Variants in PLSCR2 observed in about 807,000 individuals in gnomAD.
PLSCR2 encodes PL scramblase 2.
In PLSCR2, 18 loss-of-function variants were observed where a neutral mutation model predicts 25.3. That is an observed-to-expected ratio of 0.71 (90% CI 0.49 to 1.06). The LOEUF is 1.06. PLSCR2 is among the 50% of genes least tolerant of loss of function. The probability of loss-of-function intolerance (pLI) is 0.00; values close to 1 mark genes in which losing one functional copy is unlikely to be tolerated. For synonymous variants in PLSCR2, 88 were observed against 87.3 expected, an observed-to-expected ratio of 1.01 and a Z score of -0.04; for missense variants, 243 against 269.5, an observed-to-expected ratio of 0.90 and a Z score of 0.69.
At chr3:146,393,090 G>A (rs986487514) in intron 3 of PLSCR2, among the ~76,000 whole-genome samples, 3 of 140,996 alleles carry the variant, frequency 2.1e-5, no homozygotes, top group South Asian at 2.2e-4. Flanking sequence ...GTGTAGTGGC[G>A]TGATCTTGGC....
At chr3:146,459,805 G>T in intron 2 of PLSCR2, 43 bp downstream of exon 2, 2 of 1,300,782 alleles carry the variant, frequency 1.5e-6, no homozygotes, top group Non-Finnish European at 2.2e-6. Flanking sequence ...ACCAGAAAGA[G>T]AGTTTTTTTT....
intron 1 of PLSCR2, among the ~76,000 whole-genome samples, chr3:146,483,377 C>A (rs991991023): frequency 7.1e-6 from 1 of 141,184 alleles, no homozygotes; most frequent in African/African-American, 2.7e-5. Context: ...CACATGTATA[C>A]CTATGTAACA....
intron 1 of PLSCR2, 39 bp from the exon 2 acceptor site, chr3:146,460,122 G>T: frequency 7.0e-7 from 1 of 1,434,848 alleles, no homozygotes; most frequent in Non-Finnish European, 9.3e-7. Flanking sequence ...TAGCTGCCCA[G>T]AAAAGTCATC....
intron 2 of PLSCR2, among the ~76,000 whole-genome samples, chr3:146,404,171 C>T (rs1252198144): frequency 6.6e-6 from 1 of 152,168 alleles, no homozygotes; most frequent in Non-Finnish European, 1.5e-5. Context: ...GTGTGCTCAC[C>T]ATTGCTCCAT....
At chr3:146,486,649 A>C (rs1013029795) in intron 1 of PLSCR2, among the ~76,000 whole-genome samples, 1 of 152,106 alleles carries the variant, frequency 6.6e-6, no homozygotes, top group Non-Finnish European at 1.5e-5. Flanking sequence ...ATAGACCAAT[A>C]ACAATTTCTA....
intron 1 of PLSCR2, among the ~76,000 whole-genome samples, chr3:146,474,595 CTGA>C (rs1327911496): frequency 6.6e-6 from 1 of 152,006 alleles, no homozygotes; most frequent in Non-Finnish European, 1.5e-5. Flanking sequence ...CTGGGAGAAT[CTGA>C]TGATTATATG....
chr3:146,449,340 C>T, exon 6 of PLSCR2: 2 of 1,599,966 alleles, frequency 1.3e-6, no homozygotes, highest in South Asian at 1.1e-5. Flanking sequence ...ATCCTGCCAA[C>T]CACAATTTGT....
At chr3:146,431,661 C>T (rs2039549643), downstream of PLSCR2, among the ~76,000 whole-genome samples, 1 of 152,170 alleles carries the variant, frequency 6.6e-6, no homozygotes, top group African/African-American at 2.4e-5. Flanking sequence ...TACAGATTAT[C>T]TCCAAGGAGC....
downstream of PLSCR2, among the ~76,000 whole-genome samples, chr3:146,429,846 C>T (rs886755063): frequency 3.3e-5 from 5 of 151,954 alleles, no homozygotes; most frequent in Admixed American, 6.6e-5. Context: ...AGGATGGTCT[C>T]GATCTCCTGA....
At chr3:146,458,311 C>G in intron 3 of PLSCR2, 100 bp downstream of exon 3, 3 of 1,015,952 alleles carry the variant, frequency 3.0e-6, no homozygotes, top group Non-Finnish European at 4.2e-6. Flanking sequence ...TTTTACCATC[C>G]CACATCACTC....
At chr3:146,456,934 T>A (rs144607041) in intron 3 of PLSCR2, among the ~76,000 whole-genome samples, 8 of 152,212 alleles carry the variant, frequency 5.3e-5, no homozygotes, top group African/African-American at 1.9e-4. Flanking sequence ...AATATAATGT[T>A]GTATAATGTA....
chr3:146,463,406 C>T (rs1314626072), upstream of PLSCR2, among the ~76,000 whole-genome samples: 1 of 152,180 alleles, frequency 6.6e-6, no homozygotes, highest in Admixed American at 6.5e-5. Flanking sequence ...CTGCCCGCGT[C>T]GGCCTCCCAA....
At chr3:146,404,828 G>C (rs73867601) in intron 2 of PLSCR2, among the ~76,000 whole-genome samples, 1 of 150,322 alleles carries the variant, frequency 6.7e-6, no homozygotes, top group Non-Finnish European at 1.5e-5. Context: ...AAAAGGGGGG[G>C]GGTGGTGGTT....
intron 1 of PLSCR2, among the ~76,000 whole-genome samples, chr3:146,482,417 A>T (rs770922839): frequency 6.6e-6 from 1 of 152,244 alleles, no homozygotes; most frequent in East Asian, 1.9e-4. Flanking sequence ...TGAGCAAAGG[A>T]TATGAACAGA....
At chr3:146,431,586 C>T (rs1381327245), downstream of PLSCR2, among the ~76,000 whole-genome samples, 24 of 152,130 alleles carry the variant, frequency 1.6e-4, no homozygotes, top group Admixed American at 1.4e-3. Flanking sequence ...CCATCTCCCA[C>T]CACTAACTAA....
At chr3:146,469,336 T>C (rs2108486136) in intron 1 of PLSCR2, 159 bp downstream of exon 1, 10 of 982,106 alleles carry the variant, frequency 1.0e-5, no homozygotes, top group East Asian at 2.3e-4. Context: ...TGGGGCCCCT[T>C]GCCGAGTTTC....
At chr3:146,396,857 G>A (rs2038291891) in intron 2 of PLSCR2, among the ~76,000 whole-genome samples, 1 of 152,034 alleles carries the variant, frequency 6.6e-6, no homozygotes, top group African/African-American at 2.4e-5. Flanking sequence ...TCAGAACTCT[G>A]AACCCACCAT....
intron 2 of PLSCR2, among the ~76,000 whole-genome samples, chr3:146,404,269 T>C (rs2038575871): frequency 6.6e-6 from 1 of 152,194 alleles, no homozygotes; most frequent in Non-Finnish European, 1.5e-5. Context: ...CTATTTCTTT[T>C]GCAGCACCAA....
At chr3:146,400,150 T>C (rs2038415784) in intron 2 of PLSCR2, among the ~76,000 whole-genome samples, 1 of 151,734 alleles carries the variant, frequency 6.6e-6, no homozygotes, top group South Asian at 2.1e-4. Context: ...CATTCATAAA[T>C]TTATACATAC....
Sources: gnomAD v4.1 joint callset for allele counts (sites outside exome capture counted in the v4.1 genomes callset) on GRCh38, gnomAD v4.1.1 for gene constraint, MANE v1.5 for transcripts, NCBI Gene and HGNC (gene_info 2026-07-23, HGNC 2026-07-21) for gene names.